DOCK1: variants seen among roughly 807,000 people sequenced by gnomAD.
DOCK1 encodes dedicator of cytokinesis 1.
In DOCK1, 138 loss-of-function variants were observed where a neutral mutation model predicts 262.7. The observed-to-expected ratio is 0.53, with a 90% CI of 0.46 to 0.61. The LOEUF (loss-of-function observed/expected upper bound fraction) is 0.61, where lower values mean the gene tolerates loss of function less well. Ranked by LOEUF, DOCK1 falls within the 20% of genes least tolerant of loss-of-function variation. DOCK1 has a pLI of 0.00. For synonymous variants in DOCK1, 866 were observed against 867.4 expected, an observed-to-expected ratio of 1.00 and a Z score of 0.03; for missense variants, 1,908 against 2,370.7, an observed-to-expected ratio of 0.80 and a Z score of 4.05.
chr10:127,216,072 G>A (rs1405588613), intron 27 of DOCK1, among the ~76,000 whole-genome samples: 3 of 152,106 alleles, frequency 2.0e-5, no homozygotes, highest in Non-Finnish European at 4.4e-5. Context: ...CCAGGACCGG[G>A]CCTTCACTGA....
intron 29 of DOCK1, among the ~76,000 whole-genome samples, chr10:127,270,316 G>T (rs1025450546): frequency 6.6e-6 from 1 of 152,218 alleles, no homozygotes; most frequent in Non-Finnish European, 1.5e-5. Flanking sequence ...AACTCAGCGA[G>T]AATTCCTTAC....
intron 38 of DOCK1, among the ~76,000 whole-genome samples, chr10:127,398,695 C>T (rs2067058767): frequency 6.6e-6 from 1 of 152,192 alleles, no homozygotes; most frequent in African/African-American, 2.4e-5. Flanking sequence ...TGTGAGGTAT[C>T]TCCACTGGTG....
intron 25 of DOCK1, among the ~76,000 whole-genome samples, chr10:127,116,564 T>C (rs1221360219): frequency 6.6e-6 from 1 of 152,182 alleles, no homozygotes; most frequent in Non-Finnish European, 1.5e-5. Flanking sequence ...ATAAACTTAT[T>C]ATGCCTTAAA....
intron 46 of DOCK1, among the ~76,000 whole-genome samples, chr10:127,423,234 G>C (rs368267077): frequency 2.0e-5 from 3 of 152,160 alleles, no homozygotes; most frequent in Non-Finnish European, 4.4e-5. Flanking sequence ...ATCTGGTTTG[G>C]TTTTTTCCTG....
At chr10:127,330,546 T>C (rs2062932177) in intron 29 of DOCK1, among the ~76,000 whole-genome samples, 1 of 152,204 alleles carries the variant, frequency 6.6e-6, no homozygotes, top group Non-Finnish European at 1.5e-5. Flanking sequence ...AACTTTAAAA[T>C]AGAATTACCA....
chr10:127,183,564 C>T (rs2055939734), intron 27 of DOCK1, among the ~76,000 whole-genome samples: 1 of 152,146 alleles, frequency 6.6e-6, no homozygotes, highest in Non-Finnish European at 1.5e-5. Flanking sequence ...ACTTGGGGTC[C>T]ATGTACACAA....
chr10:127,440,124 G>T (rs541797769), intron 49 of DOCK1, among the ~76,000 whole-genome samples: 1 of 138,360 alleles, frequency 7.2e-6, no homozygotes, highest in African/African-American at 2.7e-5. Context: ...CAGGGGAGGG[G>T]AGCAGGCGTG....
chr10:127,167,694 C>A (rs2054203152), intron 27 of DOCK1, among the ~76,000 whole-genome samples: 1 of 152,100 alleles, frequency 6.6e-6, no homozygotes, highest in Non-Finnish European at 1.5e-5. Flanking sequence ...AAAACAAAAT[C>A]CAGGTCTCCT....
At chr10:127,291,140 C>G (rs986459964) in intron 29 of DOCK1, among the ~76,000 whole-genome samples, 2 of 152,166 alleles carry the variant, frequency 1.3e-5, no homozygotes, top group African/African-American at 4.8e-5. Flanking sequence ...ATCCCTTGTT[C>G]TCACTTCCAG....
intron 29 of DOCK1, among the ~76,000 whole-genome samples, chr10:127,296,329 C>T (rs1460878041): frequency 1.3e-5 from 2 of 152,202 alleles, no homozygotes; most frequent in Admixed American, 6.5e-5. Context: ...CCCATCCTCA[C>T]GTAGTGGAGC....
intron 16 of DOCK1, 92 bp downstream of exon 16, chr10:127,026,516 C>G (rs2042877208): frequency 8.7e-7 from 1 of 1,155,450 alleles, no homozygotes; most frequent in African/African-American, 1.5e-5. Context: ...CTGGAACTCG[C>G]TATCATAACA....
At chr10:126,912,726 GGA>G (rs1491323531) in intron 1 of DOCK1, among the ~76,000 whole-genome samples, 3 of 23,174 alleles carry the variant, frequency 1.3e-4, no homozygotes, top group Admixed American at 1.1e-3. Flanking sequence ...ACTCCATCTC[GGA>G]AAAAAAAAAA....
intron 27 of DOCK1, chr10:127,127,972 T>G: frequency 2.6e-6 from 1 of 377,744 alleles, no homozygotes; most frequent in Non-Finnish European, 4.7e-6. Context: ...TGGCTCTTGT[T>G]TTCTCATTAC....
chr10:126,913,082 G>C (rs1308137462), intron 1 of DOCK1, among the ~76,000 whole-genome samples: 5 of 150,314 alleles, frequency 3.3e-5, no homozygotes, highest in Non-Finnish European at 5.9e-5. Flanking sequence ...ATTTGTTTCT[G>C]TTCAGATCTG....
intron 45 of DOCK1, among the ~76,000 whole-genome samples, chr10:127,418,742 C>A (rs1294052241): frequency 6.6e-6 from 1 of 152,228 alleles, no homozygotes; most frequent in Non-Finnish European, 1.5e-5. Context: ...CGGCAAGGCT[C>A]CCCTGGGCAT....
chr10:127,114,457 A>G (rs1232685030), intron 25 of DOCK1, among the ~76,000 whole-genome samples: 2 of 152,156 alleles, frequency 1.3e-5, no homozygotes, highest in African/African-American at 2.4e-5. Flanking sequence ...GAGGAGTAAC[A>G]TCAGGAGCAA....
chr10:127,410,881 G>A lies in DOCK1; in HGVS notation c.4385G>A (p.Arg1462Gln), dbSNP rs776914792. The change falls in exon 43 of 52, where the codon CGG becomes CAG. Residue 1462 changes from arginine to glutamine, a missense_variant. Transcript: ENST00000623213. ...VNEVQRFEYS[R>Q]PIRKGEKNPD... ...GAGGTCCAGCGATTTGAATATTCTC[G>A]GCCAATCCGGAAGGGAGAGAAAAAC... The A allele has an allele frequency of 6.2e-7, 1 of 1,613,718 alleles. No individual in the cohort carries two copies. The highest frequency in any genetic ancestry group is 1.1e-5 in the South Asian group (1 of 90,966).
chr10:127,212,227 G>A (rs145893278), intron 27 of DOCK1, among the ~76,000 whole-genome samples: 1,892 of 152,172 alleles, frequency 0.012, 20 homozygotes, highest in Non-Finnish European at 0.018. Flanking sequence ...GTCTGCTTGG[G>A]TAAGGCATTA....
chr10:127,216,403 C>A (rs1257164878), intron 27 of DOCK1, among the ~76,000 whole-genome samples: 1 of 152,018 alleles, frequency 6.6e-6, no homozygotes, highest in African/African-American at 2.4e-5. Context: ...GAGACTATTG[C>A]CTGTCTTTGG....
Sources: allele counts gnomAD v4.1 joint callset (sites outside exome capture counted in the v4.1 genomes callset), GRCh38; gene constraint gnomAD v4.1.1; transcripts MANE v1.5; gene names NCBI Gene and HGNC (gene_info 2026-07-23, HGNC 2026-07-21).